RBFOX1: variants seen among roughly 807,000 people sequenced by gnomAD.
RBFOX1 encodes the protein RNA binding fox-1 homolog 1, also known as RNA binding protein fox-1 homolog 1.
In RBFOX1, 8 loss-of-function variants were observed where a neutral mutation model predicts 57.7. That is an observed-to-expected ratio of 0.14 (90% CI 0.08 to 0.25). The LOEUF (loss-of-function observed/expected upper bound fraction) is 0.25. Among genes scored for constraint, RBFOX1 ranks in the 10% least tolerant of loss-of-function variants. RBFOX1 has a pLI of 1.00. For synonymous variants in RBFOX1, 326 were observed against 222.4 expected, an observed-to-expected ratio of 1.47 and a Z score of -4.15; for missense variants, 611 against 548.5, an observed-to-expected ratio of 1.11 and a Z score of -1.14.
chr16:7,096,660 G>A (rs1464351062), intron 4 of RBFOX1, among the ~76,000 whole-genome samples: 1 of 151,968 alleles, frequency 6.6e-6, no homozygotes, highest in Non-Finnish European at 1.5e-5. Flanking sequence ...AGTTGAGCAG[G>A]TTGGCTCATG....
At chr16:7,299,046 A>T (rs1351974038) in intron 4 of RBFOX1, among the ~76,000 whole-genome samples, 2 of 152,216 alleles carry the variant, frequency 1.3e-5, no homozygotes, top group African/African-American at 4.8e-5. Context: ...TCAGCAGGAC[A>T]GATATCTAGA....
intron 1 of RBFOX1, among the ~76,000 whole-genome samples, chr16:6,241,400 G>A (rs182931888): frequency 2.0e-5 from 3 of 152,200 alleles, no homozygotes; most frequent in Admixed American, 2.0e-4. Context: ...ACGTGCTCAT[G>A]GTACTTAATA....
chr16:7,218,789 G>C (rs1327893171), intron 4 of RBFOX1, among the ~76,000 whole-genome samples: 2 of 151,174 alleles, frequency 1.3e-5, no homozygotes, highest in African/African-American at 2.4e-5. Context: ...CTCTTCTACT[G>C]CACGATGCAA....
intron 1 of RBFOX1, among the ~76,000 whole-genome samples, chr16:6,253,939 T>A (rs938954176): frequency 6.6e-6 from 1 of 151,998 alleles, no homozygotes; most frequent in African/African-American, 2.4e-5. Context: ...TATAAATGGG[T>A]TATTTTTCAC....
At chr16:7,462,320 C>T (rs1406889325) in intron 4 of RBFOX1, among the ~76,000 whole-genome samples, 2 of 152,236 alleles carry the variant, frequency 1.3e-5, no homozygotes, top group Non-Finnish European at 2.9e-5. Flanking sequence ...TATGGTGAAA[C>T]CTCATCTCTA....
At chr16:7,364,723 T>G (rs746433439) in intron 4 of RBFOX1, among the ~76,000 whole-genome samples, 3 of 152,196 alleles carry the variant, frequency 2.0e-5, no homozygotes, top group Non-Finnish European at 4.4e-5. Context: ...TGGTTAAAAT[T>G]TGAAGTCCCA....
chr16:5,674,545 C>T (rs547825901), intron 3 of RBFOX1, among the ~76,000 whole-genome samples: 1 of 152,322 alleles, frequency 6.6e-6, no homozygotes, highest in East Asian at 1.9e-4. Context: ...CAAAGGTAGA[C>T]AGAAGGCTTC....
chr16:7,615,744 G>A (rs1325823848), intron 10 of RBFOX1, among the ~76,000 whole-genome samples: 1 of 152,148 alleles, frequency 6.6e-6, no homozygotes, highest in Non-Finnish European at 1.5e-5. Context: ...ATTGGGGAGT[G>A]TTGTTCACTG....
chr16:6,569,255 T>A (rs532939043), intron 2 of RBFOX1, among the ~76,000 whole-genome samples: 1 of 152,168 alleles, frequency 6.6e-6, no homozygotes, highest in Non-Finnish European at 1.5e-5. Flanking sequence ...CTCCCAAAGT[T>A]AGCCTCTCAA....
intron 5 of RBFOX1, among the ~76,000 whole-genome samples, chr16:7,525,932 G>GGGGTACCCCAGC (rs2152313809): frequency 6.6e-6 from 1 of 152,288 alleles, no homozygotes; most frequent in African/African-American, 2.4e-5. Context: ...GTCTCCAGCT[G>GGGGTACCCCAGC]TCTTCTAAAA....
chr16:5,308,225 C>G (rs779932497), intron 1 of RBFOX1, among the ~76,000 whole-genome samples: 1 of 151,860 alleles, frequency 6.6e-6, no homozygotes, highest in Non-Finnish European at 1.5e-5. Flanking sequence ...CCTGTAATCC[C>G]AGCTACTCAG....
intron 5 of RBFOX1, among the ~76,000 whole-genome samples, chr16:7,525,066 C>A (rs2078385883): frequency 6.6e-6 from 1 of 152,176 alleles, no homozygotes; most frequent in African/African-American, 2.4e-5. Context: ...ATATTTCCTT[C>A]CAGAAGTGTT....
intron 3 of RBFOX1, among the ~76,000 whole-genome samples, chr16:7,000,308 C>T (rs1435304818): frequency 2.6e-5 from 4 of 152,020 alleles, no homozygotes; most frequent in Non-Finnish European, 5.9e-5. Flanking sequence ...GAAATTTAAA[C>T]ATGATCGATA....
At chr16:7,247,080 G>A (rs1193970251) in intron 4 of RBFOX1, among the ~76,000 whole-genome samples, 1 of 152,136 alleles carries the variant, frequency 6.6e-6, no homozygotes, top group Non-Finnish European at 1.5e-5. Context: ...CCTTGATTTA[G>A]GCTGCACTCA....
At chr16:7,224,877 C>T (rs190520546) in intron 4 of RBFOX1, among the ~76,000 whole-genome samples, 404 of 152,242 alleles carry the variant, frequency 2.7e-3, no homozygotes, top group Non-Finnish European at 3.3e-3. Flanking sequence ...CACTTTACCA[C>T]GACTTCCAGG....
intron 4 of RBFOX1, among the ~76,000 whole-genome samples, chr16:7,416,911 C>T (rs1393190136): frequency 2.6e-5 from 4 of 152,144 alleles, no homozygotes; most frequent in Non-Finnish European, 5.9e-5. Flanking sequence ...TTATTATCCA[C>T]ATTTTATAGC....
At chr16:6,646,151 T>C (rs1291031909) in intron 2 of RBFOX1, among the ~76,000 whole-genome samples, 1 of 152,126 alleles carries the variant, frequency 6.6e-6, no homozygotes, top group East Asian at 1.9e-4. Flanking sequence ...GGGGCTGAAG[T>C]ACTTACTTGA....
At position 6,903,815 on chromosome 16, in the gene RBFOX1, G is replaced by A. The variant is rs1054635911; in HGVS notation, c.-15-148242G>A. On this transcript the variant is annotated intron_variant, in intron 3 of 15. Transcript: ENST00000550418. ...GCTTAGCCAGAGGAGGGAAGCAATTGCATCCCCAACAGGCGGGCTGTAAAG... is the reference window on the plus strand; with the variant it reads ...GCTTAGCCAGAGGAGGGAAGCAATTACATCCCCAACAGGCGGGCTGTAAAG... Among the ~76,000 whole-genome samples the A allele has an allele frequency of 5.3e-5, 8 of 152,250 alleles. No individual in the cohort carries two copies. In the South Asian group the frequency reaches 8.3e-4, roughly 16 times the overall value.
At chr16:5,908,199 TATAC>T in intron 4 of RBFOX1, among the ~76,000 whole-genome samples, 1 of 143,936 alleles carries the variant, frequency 6.9e-6, no homozygotes, top group South Asian at 2.2e-4. Flanking sequence ...CATATATACA[TATAC>T]ACACATATAT....
Sources: allele counts gnomAD v4.1 joint callset (sites outside exome capture counted in the v4.1 genomes callset), GRCh38; gene constraint gnomAD v4.1.1; transcripts MANE v1.5; gene names NCBI Gene and HGNC (gene_info 2026-07-23, HGNC 2026-07-21).